The following EFL1 variants were observed in gnomAD, a reference collection of about 807,000 sequenced individuals.
EFL1 encodes the protein elongation factor-like GTPase 1.
A neutral mutation model predicts 126.7 loss-of-function variants in EFL1; 76 were observed. The observed-to-expected ratio is 0.60, with a 90% CI of 0.50 to 0.73. The LOEUF is 0.73. EFL1 is among the 30% of genes least tolerant of loss of function. The pLI is 0.00. For synonymous variants in EFL1, 410 were observed against 448.4 expected (o/e 0.91, Z 1.08); for missense variants, 1,128 against 1,343.2 (o/e 0.84, Z 2.50).
chr15:82,216,502 T>C (rs2074648219), intron 14 of EFL1, among the ~76,000 whole-genome samples: 1 of 152,072 alleles, frequency 6.6e-6, no homozygotes, highest in Admixed American at 6.6e-5. Flanking sequence ...TGAATAGAGA[T>C]AGTTAGAGAC....
chr15:82,259,044 G>A, intron 3 of EFL1, 44 bp downstream of exon 3: 1 of 1,530,562 alleles, frequency 6.5e-7, no homozygotes, highest in Non-Finnish European at 9.1e-7. Flanking sequence ...ATTGTTGATA[G>A]CTAATACTGA....
chr15:82,230,554 ATG>A (rs1218653056), intron 8 of EFL1, among the ~76,000 whole-genome samples: 2 of 152,074 alleles, frequency 1.3e-5, no homozygotes, highest in Non-Finnish European at 2.9e-5. Flanking sequence ...ACAGCACAAA[ATG>A]TGTGTCTTCA....
At chr15:82,186,508 T>C (rs897823857) in intron 15 of EFL1, among the ~76,000 whole-genome samples, 3 of 152,232 alleles carry the variant, frequency 2.0e-5, no homozygotes, top group African/African-American at 7.2e-5. Flanking sequence ...GGTGTTCCAG[T>C]TTCACTGTGT....
intron 19 of EFL1, among the ~76,000 whole-genome samples, chr15:82,136,226 T>C (rs906107678): frequency 7.2e-5 from 11 of 152,188 alleles, no homozygotes; most frequent in African/African-American, 2.2e-4. Context: ...AATGATGCCA[T>C]TACAACAGCT....
At position 82,262,654 on chromosome 15, in the gene EFL1, T is replaced by A; in HGVS notation, c.-60A>T. The A allele has an allele frequency of 2.0e-6, 1 of 492,168 alleles. No individual in the cohort carries two copies. Among genetic ancestry groups the A allele is most frequent in the South Asian group, 2.5e-5 (1 of 40,672 alleles). The allele number at this position is 492,168 out of a possible 1,614,324, so 30.5% of individuals were successfully genotyped here. A position where few individuals can be genotyped will look rare whatever the true frequency, so the allele number is the denominator to read the frequency against. On this transcript the variant is annotated 5_prime_UTR_variant, in exon 1 of 20. Coordinates refer to ENST00000268206, the MANE Select transcript of EFL1 (RefSeq NM_024580.6). The stretch of plus-strand genomic sequence containing the variant: ...CACCAGCCCCGCTCCTTCTCTCGGG[T>A]CGCACCCACACCGAGAGCTTCCGAA...
intron 2 of EFL1, 41 bp from the exon 3 acceptor site, chr15:82,259,196 T>TA (rs775506384): frequency 5.2e-6 from 8 of 1,549,106 alleles, no homozygotes; most frequent in South Asian, 1.1e-5. Flanking sequence ...ATATCTTTTT[T>TA]AAAAGGGGTC....
chr15:82,147,197 C>T (rs530506877), intron 18 of EFL1, among the ~76,000 whole-genome samples: 20 of 152,192 alleles, frequency 1.3e-4, no homozygotes, highest in African/African-American at 4.8e-4. Context: ...AGGACAAATG[C>T]CACTCCAAAT....
intron 18 of EFL1, among the ~76,000 whole-genome samples, chr15:82,143,492 G>A (rs1413795721): frequency 1.3e-5 from 2 of 152,082 alleles, no homozygotes; most frequent in African/African-American, 4.8e-5. Flanking sequence ...AAATTGGTAG[G>A]TACTTATTCT....
chr15:82,223,926 A>G (rs556349772), intron 12 of EFL1, among the ~76,000 whole-genome samples: 3 of 152,314 alleles, frequency 2.0e-5, no homozygotes, highest in Non-Finnish European at 2.9e-5. Context: ...TATCCCCAGG[A>G]CAAAAATTAT....
At chr15:82,177,612 C>G (rs1456713714) in intron 15 of EFL1, among the ~76,000 whole-genome samples, 1 of 152,144 alleles carries the variant, frequency 6.6e-6, no homozygotes, top group East Asian at 1.9e-4. Context: ...TTGGAAGACG[C>G]TCAAAAAGGC....
At chr15:82,199,096 G>A (rs2074440332) in intron 15 of EFL1, among the ~76,000 whole-genome samples, 2 of 151,806 alleles carry the variant, frequency 1.3e-5, no homozygotes, top group South Asian at 4.2e-4. Flanking sequence ...GAAGGCTTAT[G>A]AAAGACACCT....
At chr15:82,230,824 C>G (rs1250725233) in intron 8 of EFL1, 24 bp downstream of exon 8, 1 of 1,582,668 alleles carries the variant, frequency 6.3e-7, no homozygotes, top group African/African-American at 1.4e-5. Flanking sequence ...GACCAACAAC[C>G]AAAAGGGACA....
chr15:82,155,542 T>G (rs1170523529), intron 17 of EFL1, among the ~76,000 whole-genome samples: 1 of 152,146 alleles, frequency 6.6e-6, no homozygotes, highest in Non-Finnish European at 1.5e-5. Context: ...TTGCTATGCG[T>G]ATTCTTGATG....
At chr15:82,170,009 G>A (rs1205316229) in intron 15 of EFL1, among the ~76,000 whole-genome samples, 1 of 151,860 alleles carries the variant, frequency 6.6e-6, no homozygotes, top group African/African-American at 2.4e-5. Flanking sequence ...AAAAGGTTAT[G>A]GGCCTCCTGG....
intron 15 of EFL1, among the ~76,000 whole-genome samples, chr15:82,181,926 C>T (rs2074256029): frequency 1.3e-5 from 2 of 152,152 alleles, no homozygotes; most frequent in Non-Finnish European, 2.9e-5. Context: ...TCCCTCCGTG[C>T]TCCATGTACA....
chr15:82,161,505 T>C (rs1194254201), intron 16 of EFL1, among the ~76,000 whole-genome samples: 1 of 150,988 alleles, frequency 6.6e-6, no homozygotes, highest in African/African-American at 2.4e-5. Context: ...AAACAAAGAG[T>C]ACAAAATTCA....
intron 15 of EFL1, among the ~76,000 whole-genome samples, chr15:82,167,542 A>G (rs1391478551): frequency 6.6e-6 from 1 of 152,194 alleles, no homozygotes; most frequent in Non-Finnish European, 1.5e-5. Context: ...ACTGAAAAAA[A>G]TTGTGTGAGG....
chr15:82,194,811 T>C (rs1272058194), intron 15 of EFL1, among the ~76,000 whole-genome samples: 2 of 152,224 alleles, frequency 1.3e-5, no homozygotes, highest in Non-Finnish European at 2.9e-5. Context: ...AATGCTCAGC[T>C]TCTCTACTTT....
intron 7 of EFL1, among the ~76,000 whole-genome samples, chr15:82,237,812 A>T (rs2074889676): frequency 6.6e-6 from 1 of 152,118 alleles, no homozygotes; most frequent in Non-Finnish European, 1.5e-5. Flanking sequence ...CACACCATGG[A>T]ATACTACTGA....
Sources: allele counts gnomAD v4.1 joint callset (sites outside exome capture counted in the v4.1 genomes callset), GRCh38; gene constraint gnomAD v4.1.1; transcripts MANE v1.5; gene names NCBI Gene and HGNC (gene_info 2026-07-23, HGNC 2026-07-21).